Variants in ATRNL1 observed in about 807,000 individuals in gnomAD.
The protein encoded by ATRNL1 is attractin-like protein 1.
In ATRNL1, 95 loss-of-function variants were observed where a neutral mutation model predicts 182.7. That is an observed-to-expected ratio of 0.52 (90% CI 0.44 to 0.62). The LOEUF is 0.62. Ranked by LOEUF, ATRNL1 falls within the 20% of genes least tolerant of loss-of-function variation. The probability of loss-of-function intolerance (pLI) is 0.00; values close to 1 mark genes in which losing one functional copy is unlikely to be tolerated. For synonymous variants in ATRNL1, 576 were observed against 568.3 expected, an observed-to-expected ratio of 1.01 and a Z score of -0.19; for missense variants, 1,471 against 1,679.5, an observed-to-expected ratio of 0.88 and a Z score of 2.17.
At chr10:115,395,119 C>T (rs1157556186) in intron 20 of ATRNL1, among the ~76,000 whole-genome samples, 1 of 151,770 alleles carries the variant, frequency 6.6e-6, no homozygotes, top group East Asian at 1.9e-4. Context: ...AAACATGTGG[C>T]ATTTGGATTT....
chr10:115,424,739 A>G (rs1474706331), intron 20 of ATRNL1, among the ~76,000 whole-genome samples: 1 of 152,076 alleles, frequency 6.6e-6, no homozygotes, highest in African/African-American at 2.4e-5. Context: ...ATACAAGTTG[A>G]GAGTAGAATT....
At chr10:115,813,497 T>C (rs943227970) in intron 27 of ATRNL1, among the ~76,000 whole-genome samples, 10 of 152,220 alleles carry the variant, frequency 6.6e-5, no homozygotes, top group Non-Finnish European at 1.5e-4. Context: ...AGTTGCCTGA[T>C]TATATCACTG....
chr10:115,247,318 A>T (rs1850686982), intron 10 of ATRNL1, among the ~76,000 whole-genome samples: 1 of 152,200 alleles, frequency 6.6e-6, no homozygotes, highest in South Asian at 2.1e-4. Context: ...ATGATAAAAA[A>T]AACCTCAACA....
intron 10 of ATRNL1, among the ~76,000 whole-genome samples, chr10:115,260,532 C>G (rs1851350689): frequency 6.6e-6 from 1 of 152,106 alleles, no homozygotes; most frequent in Admixed American, 6.6e-5. Flanking sequence ...GTGCCTCACT[C>G]TTAAATTTGC....
At chr10:115,541,649 G>A (rs906217556) in intron 25 of ATRNL1, among the ~76,000 whole-genome samples, 1 of 152,164 alleles carries the variant, frequency 6.6e-6, no homozygotes, top group Admixed American at 6.5e-5. Context: ...CTCATATAAT[G>A]TGGAGCAATG....
chr10:115,887,762 CTACTT>C (rs1161174059), intron 28 of ATRNL1, among the ~76,000 whole-genome samples: 1 of 151,744 alleles, frequency 6.6e-6, no homozygotes, highest in Non-Finnish European at 1.5e-5. Flanking sequence ...AAACCTTCCT[CTACTT>C]TACCCCCCAT....
chr10:115,548,497 A>G (rs1852794212), intron 25 of ATRNL1, among the ~76,000 whole-genome samples: 1 of 152,206 alleles, frequency 6.6e-6, no homozygotes, highest in African/African-American at 2.4e-5. Flanking sequence ...GCGAATTTGT[A>G]GTGTCCCAGG....
intron 10 of ATRNL1, among the ~76,000 whole-genome samples, chr10:115,255,740 G>A (rs192485887): frequency 6.6e-6 from 1 of 151,998 alleles, no homozygotes; most frequent in East Asian, 1.9e-4. Flanking sequence ...ATGCTTCCAG[G>A]TTTTGCCCAT....
intron 18 of ATRNL1, among the ~76,000 whole-genome samples, chr10:115,318,034 T>C (rs924830218): frequency 6.6e-6 from 1 of 152,260 alleles, no homozygotes; most frequent in South Asian, 2.1e-4. Context: ...TGTGGGATTG[T>C]CATAAGAAGC....
intron 26 of ATRNL1, among the ~76,000 whole-genome samples, chr10:115,705,280 A>C (rs1313884984): frequency 6.6e-6 from 1 of 151,946 alleles, no homozygotes. Context: ...ACAAGTACAC[A>C]TTATAGTGAT....
chr10:115,368,272 G>C (rs1445060114), intron 19 of ATRNL1, among the ~76,000 whole-genome samples: 1 of 152,202 alleles, frequency 6.6e-6, no homozygotes. Context: ...TATTCGGGTG[G>C]GAGTGACCCG....
intron 25 of ATRNL1, among the ~76,000 whole-genome samples, chr10:115,527,672 A>G (rs1259106931): frequency 6.6e-6 from 1 of 152,006 alleles, no homozygotes; most frequent in African/African-American, 2.4e-5. Context: ...TCTTTGTTTC[A>G]TTTTATAAAT....
intron 7 of ATRNL1, 152 bp from the exon 8 acceptor site, chr10:115,170,885 T>G (rs1847261452): frequency 5.0e-6 from 2 of 403,250 alleles, no homozygotes; most frequent in Non-Finnish European, 8.4e-6. Flanking sequence ...ATTATTCATG[T>G]GTTCTCATTA....
At chr10:115,199,854 A>G (rs1554891910) in intron 8 of ATRNL1, among the ~76,000 whole-genome samples, 1 of 152,160 alleles carries the variant, frequency 6.6e-6, no homozygotes, top group Non-Finnish European at 1.5e-5. Context: ...GAATGCTTCT[A>G]TTCAGAATGC....
intron 27 of ATRNL1, among the ~76,000 whole-genome samples, chr10:115,811,029 G>A (rs1950035235): frequency 6.6e-6 from 1 of 151,342 alleles, no homozygotes; most frequent in South Asian, 2.1e-4. Flanking sequence ...CTCTCTTTAG[G>A]TTTAATTTAC....
At chr10:115,863,855 C>G (rs931233671) in intron 28 of ATRNL1, among the ~76,000 whole-genome samples, 6 of 152,142 alleles carry the variant, frequency 3.9e-5, no homozygotes, top group Non-Finnish European at 5.9e-5. Flanking sequence ...CTTGGAATAT[C>G]TAATGGTTCC....
At chr10:115,240,214 C>T (rs1554902517) in intron 9 of ATRNL1, among the ~76,000 whole-genome samples, 1 of 150,998 alleles carries the variant, frequency 6.6e-6, no homozygotes, top group African/African-American at 2.4e-5. Flanking sequence ...TGTGGAACTC[C>T]TCATGTTACC....
At chr10:115,791,478 T>G (rs1358383964) in intron 27 of ATRNL1, among the ~76,000 whole-genome samples, 3 of 152,188 alleles carry the variant, frequency 2.0e-5, no homozygotes, top group Non-Finnish European at 4.4e-5. Context: ...AACCACTGTT[T>G]CAACTTTTAT....
At chr10:115,728,859 G>GA (rs1947698716) in intron 27 of ATRNL1, among the ~76,000 whole-genome samples, 2 of 152,132 alleles carry the variant, frequency 1.3e-5, no homozygotes, top group African/African-American at 4.8e-5. Flanking sequence ...ATGATTAAAT[G>GA]AAAGTTACAG....
Sources: allele counts gnomAD v4.1 joint callset (sites outside exome capture counted in the v4.1 genomes callset), GRCh38; gene constraint gnomAD v4.1.1; transcripts MANE v1.5; gene names NCBI Gene and HGNC (gene_info 2026-07-23, HGNC 2026-07-21).